The following GALNT13 variants were observed in gnomAD, a reference collection of about 807,000 sequenced individuals.
The protein encoded by GALNT13 is polypeptide N-acetylgalactosaminyltransferase 13.
A neutral mutation model predicts 64.2 loss-of-function variants in GALNT13; 28 were observed. The ratio of observed to expected loss-of-function variants is 0.44; its 90% CI spans 0.32 to 0.60. The LOEUF (loss-of-function observed/expected upper bound fraction) is 0.60, where lower values mean the gene tolerates loss of function less well. Among genes scored for constraint, GALNT13 ranks in the 20% least tolerant of loss-of-function variants. GALNT13 has a pLI of 0.05. For missense variants in GALNT13, 577 were observed against 669.8 expected, an observed-to-expected ratio of 0.86 and a Z score of 1.53; for synonymous variants, 214 against 224.6, an observed-to-expected ratio of 0.95 and a Z score of 0.42.
At chr2:154,302,454 A>G (rs533542745) in intron 9 of GALNT13, among the ~76,000 whole-genome samples, 14 of 152,338 alleles carry the variant, frequency 9.2e-5, no homozygotes, top group South Asian at 2.1e-4. Flanking sequence ...CTGTAATACA[A>G]TCTATTAGCT....
intron 3 of GALNT13, among the ~76,000 whole-genome samples, chr2:153,963,727 CTCTCTGTGTGTGTG>C (rs1163846506): frequency 1.8e-3 from 174 of 96,724 alleles, no homozygotes; most frequent in Non-Finnish European, 2.1e-3. Flanking sequence ...CTCTCTCTCT[CTCTCTGTGTGTGTG>C]TGTGTGTGTG....
chr2:153,938,689 T>C (rs1057428402), intron 2 of GALNT13, among the ~76,000 whole-genome samples: 1 of 152,206 alleles, frequency 6.6e-6, no homozygotes, highest in African/African-American at 2.4e-5. Context: ...GATTTTATTC[T>C]GAGTCCTCTT....
At chr2:154,338,923 C>T (rs1423326981) in intron 9 of GALNT13, among the ~76,000 whole-genome samples, 2 of 151,912 alleles carry the variant, frequency 1.3e-5, no homozygotes, top group Non-Finnish European at 2.9e-5. Context: ...ATTATCAGAA[C>T]ATAGAAAATA....
chr2:153,260,816 G>A, the GALNT13 span, among the ~76,000 whole-genome samples: 22 of 152,094 alleles, frequency 1.4e-4, no homozygotes, highest in Non-Finnish European at 2.8e-4. Context: ...TCCTCTTCAA[G>A]ACCAGTAGCT....
At chr2:154,139,002 TA>T (rs1450857633) in intron 3 of GALNT13, among the ~76,000 whole-genome samples, 2 of 152,096 alleles carry the variant, frequency 1.3e-5, no homozygotes, top group African/African-American at 4.8e-5. Flanking sequence ...ATTGAATACA[TA>T]TTTTTTTCTA....
the GALNT13 span, among the ~76,000 whole-genome samples, chr2:153,760,141 T>C: frequency 1.3e-5 from 2 of 151,958 alleles, no homozygotes; most frequent in Admixed American, 1.3e-4. Flanking sequence ...TTTTTCTCTT[T>C]TTTCTGACTT....
intron 11 of GALNT13, chr2:154,435,899 TAAA>T (rs1346268954): frequency 1.3e-5 from 2 of 152,188 alleles, no homozygotes; most frequent in African/African-American, 4.8e-5. Context: ...AATTATGGGT[TAAA>T]AAGCTAATGG....
rs573277096 is a variant in GALNT13, at chr2:153,989,140, C to T, written c.142+44501C>T. The stretch of plus-strand genomic sequence containing the variant: ...CAAGGACATTTCTAAAGAATTAATA[C>T]AAAATGATATAAAATTGAGTAAAGC... On this transcript the variant is annotated intron_variant, in intron 3 of 12. Transcript: ENST00000392825. 3.3e-5 allele frequency among the ~76,000 whole-genome samples: 5 copies of T among 151,978 alleles called. No individual in the cohort carries two copies. In the South Asian group the frequency reaches 6.2e-4, roughly 19 times the overall value.
At chr2:153,353,767 T>C in the GALNT13 span, among the ~76,000 whole-genome samples, 1 of 152,290 alleles carries the variant, frequency 6.6e-6, no homozygotes, top group Admixed American at 6.5e-5. Context: ...TTTTCAAATG[T>C]TGAACAAGTC....
chr2:153,398,441 A>AATGG, the GALNT13 span, among the ~76,000 whole-genome samples: 1 of 152,024 alleles, frequency 6.6e-6, no homozygotes, highest in Non-Finnish European at 1.5e-5. Context: ...CATACCCAGT[A>AATGG]ATGGGATGGC....
intron 6 of GALNT13, among the ~76,000 whole-genome samples, chr2:154,244,149 G>C (rs1447257821): frequency 6.6e-6 from 1 of 151,550 alleles, no homozygotes; most frequent in African/African-American, 2.4e-5. Context: ...AGCTTTTAAT[G>C]TTTCAATACG....
At chr2:154,041,401 A>G (rs1698968805) in intron 3 of GALNT13, among the ~76,000 whole-genome samples, 1 of 140,528 alleles carries the variant, frequency 7.1e-6, no homozygotes, top group Non-Finnish European at 1.6e-5. Flanking sequence ...TAGTGTAGAA[A>G]TATGCAATTT....
At chr2:153,126,234 A>G in the GALNT13 span, among the ~76,000 whole-genome samples, 1 of 149,624 alleles carries the variant, frequency 6.7e-6, no homozygotes, top group Non-Finnish European at 1.5e-5. Flanking sequence ...TTTTATGATG[A>G]AGAATTGTAT....
chr2:154,145,062 C>T (rs1285592548), intron 4 of GALNT13, among the ~76,000 whole-genome samples: 3 of 101,942 alleles, frequency 2.9e-5, no homozygotes, highest in African/African-American at 1.1e-4. Flanking sequence ...CTCTCTCTCT[C>T]TCTCTCTCTC....
chr2:153,559,056 G>C, the GALNT13 span, among the ~76,000 whole-genome samples: 165 of 152,226 alleles, frequency 1.1e-3, no homozygotes, highest in African/African-American at 3.8e-3. Flanking sequence ...CTTGTTTTTT[G>C]AGAGTATATT....
intron 4 of GALNT13, among the ~76,000 whole-genome samples, chr2:154,162,116 G>A (rs924695396): frequency 6.6e-6 from 1 of 152,008 alleles, no homozygotes; most frequent in Non-Finnish European, 1.5e-5. Flanking sequence ...ATTATATTGT[G>A]ATTTTACATT....
intron 2 of GALNT13, among the ~76,000 whole-genome samples, chr2:153,928,024 C>T (rs1690268109): frequency 6.6e-6 from 1 of 151,994 alleles, no homozygotes; most frequent in Non-Finnish European, 1.5e-5. Context: ...TGTAAAAGCC[C>T]CTTCTTCATC....
intron 3 of GALNT13, among the ~76,000 whole-genome samples, chr2:154,110,906 T>G (rs562872745): frequency 4.6e-5 from 7 of 152,214 alleles, no homozygotes; most frequent in African/African-American, 1.7e-4. Context: ...ACCTTGTACA[T>G]CCAGAAATGC....
chr2:153,368,922 CA>C, the GALNT13 span, among the ~76,000 whole-genome samples: 29 of 126,686 alleles, frequency 2.3e-4, no homozygotes, highest in South Asian at 2.6e-4. Flanking sequence ...ATGTATTAAG[CA>C]AAAAAAAAAA....
Sources: allele counts gnomAD v4.1 joint callset (sites outside exome capture counted in the v4.1 genomes callset), GRCh38; gene constraint gnomAD v4.1.1; transcripts MANE v1.5; gene names NCBI Gene and HGNC (gene_info 2026-07-23, HGNC 2026-07-21).